INPP4B: variants seen among roughly 807,000 people sequenced by gnomAD.
INPP4B encodes inositol polyphosphate 4-phosphatase type II.
In INPP4B, 55 loss-of-function variants were observed where a neutral mutation model predicts 122.5. That is an observed-to-expected ratio of 0.45 (90% CI 0.36 to 0.56). The LOEUF is 0.56. Ranked by LOEUF, INPP4B falls within the 20% of genes least tolerant of loss-of-function variation. INPP4B has a pLI of 0.00. For missense variants in INPP4B, 1,000 were observed against 1,097.7 expected (o/e 0.91, Z 1.26); for synonymous variants, 403 against 388.7 (o/e 1.04, Z -0.43).
chr4:142,496,879 G>T (rs1487732890), intron 2 of INPP4B: 1 of 151,362 alleles, frequency 6.6e-6, no homozygotes, highest in Non-Finnish European at 1.5e-5. Flanking sequence ...GATTTATGAA[G>T]CAAAGTAGGA....
chr4:142,077,274 C>T (rs75730199), intron 25 of INPP4B, among the ~76,000 whole-genome samples: 8,778 of 151,856 alleles, frequency 0.058, 273 homozygotes, highest in Middle Eastern at 0.095. Context: ...TATTAACTAT[C>T]CTAATTTTAA....
At chr4:142,385,460 G>C (rs911550328) in intron 7 of INPP4B, among the ~76,000 whole-genome samples, 1 of 152,004 alleles carries the variant, frequency 6.6e-6, no homozygotes, top group Non-Finnish European at 1.5e-5. Flanking sequence ...AAACAGGGTA[G>C]AGTATGCTTC....
At chr4:142,403,668 T>A (rs916891689) in intron 6 of INPP4B, among the ~76,000 whole-genome samples, 1 of 152,218 alleles carries the variant, frequency 6.6e-6, no homozygotes, top group Non-Finnish European at 1.5e-5. Context: ...GAATTCATTT[T>A]TAGAGCTGAC....
At chr4:142,389,047 C>G (rs948175139) in intron 7 of INPP4B, among the ~76,000 whole-genome samples, 1 of 152,084 alleles carries the variant, frequency 6.6e-6, no homozygotes, top group African/African-American at 2.4e-5. Context: ...GTCAGGATTT[C>G]GAGACCAGCC....
intron 2 of INPP4B, among the ~76,000 whole-genome samples, chr4:142,568,399 T>C (rs1200435477): frequency 6.6e-6 from 1 of 152,164 alleles, no homozygotes; most frequent in East Asian, 1.9e-4. Flanking sequence ...GGCATGGAAC[T>C]CTTCTTGTTT....
At chr4:142,667,493 G>T (rs1756297686) in intron 2 of INPP4B, among the ~76,000 whole-genome samples, 1 of 152,176 alleles carries the variant, frequency 6.6e-6, no homozygotes, top group South Asian at 2.1e-4. Context: ...AGGTTATGGA[G>T]TCAAACTACT....
At chr4:142,833,928 C>T (rs533064813) in intron 1 of INPP4B, among the ~76,000 whole-genome samples, 2 of 152,250 alleles carry the variant, frequency 1.3e-5, no homozygotes, top group Non-Finnish European at 2.9e-5. Flanking sequence ...CAAATAATTG[C>T]TCAAATAATT....
chr4:142,517,616 C>G (rs1269779231), intron 2 of INPP4B, among the ~76,000 whole-genome samples: 3 of 152,124 alleles, frequency 2.0e-5, no homozygotes, highest in African/African-American at 7.2e-5. Flanking sequence ...AGAAAGTGAG[C>G]TTCTAAACTG....
At chr4:142,116,024 A>C (rs1793144043) in intron 21 of INPP4B, among the ~76,000 whole-genome samples, 2 of 152,184 alleles carry the variant, frequency 1.3e-5, no homozygotes, top group African/African-American at 4.8e-5. Flanking sequence ...AGTCTCTGAT[A>C]AAAGAGACTT....
At chr4:142,584,969 C>T (rs913334577) in intron 2 of INPP4B, among the ~76,000 whole-genome samples, 11 of 152,126 alleles carry the variant, frequency 7.2e-5, no homozygotes, top group South Asian at 6.2e-4. Context: ...CCAATTACTT[C>T]ATTTTGTTGC....
At chr4:142,453,333 T>C (rs1814713404) in intron 3 of INPP4B, among the ~76,000 whole-genome samples, 1 of 152,164 alleles carries the variant, frequency 6.6e-6, no homozygotes, top group South Asian at 2.1e-4. Context: ...ACATTTCTAA[T>C]ACAGACATCA....
intron 2 of INPP4B, among the ~76,000 whole-genome samples, chr4:142,521,143 A>C (rs968726559): frequency 1.1e-4 from 16 of 152,134 alleles, no homozygotes; most frequent in African/African-American, 3.6e-4. Context: ...GAGATGAAAA[A>C]TATAATCAGG....
At chr4:142,578,977 T>G (rs1734433823) in intron 2 of INPP4B, among the ~76,000 whole-genome samples, 1 of 152,022 alleles carries the variant, frequency 6.6e-6, no homozygotes, top group Non-Finnish European at 1.5e-5. Flanking sequence ...AGTGAATATG[T>G]TTTATTGCCT....
At chr4:142,563,101 C>T (rs1308534681) in intron 2 of INPP4B, among the ~76,000 whole-genome samples, 2 of 152,164 alleles carry the variant, frequency 1.3e-5, no homozygotes, top group Non-Finnish European at 2.9e-5. Context: ...GAAAGATGAA[C>T]ACTGCTTTTA....
At chr4:142,781,050 G>A (rs113103506) in intron 1 of INPP4B, among the ~76,000 whole-genome samples, 25 of 152,228 alleles carry the variant, frequency 1.6e-4, no homozygotes, top group African/African-American at 4.6e-4. Context: ...ATAACAATGC[G>A]GTTCTTTAGG....
chr4:142,750,622 C>T (rs1366469791), intron 1 of INPP4B, among the ~76,000 whole-genome samples: 1 of 152,190 alleles, frequency 6.6e-6, no homozygotes, highest in Non-Finnish European at 1.5e-5. Flanking sequence ...GGGTGGGCTT[C>T]AGATCACCTG....
intron 18 of INPP4B, among the ~76,000 whole-genome samples, chr4:142,136,066 G>T (rs1804029066): frequency 6.6e-6 from 1 of 152,134 alleles, no homozygotes; most frequent in Non-Finnish European, 1.5e-5. Context: ...CAAAGTGCTG[G>T]GATTACAGGT....
chr4:142,585,077 A>C (rs994693447), intron 2 of INPP4B, among the ~76,000 whole-genome samples: 5 of 151,970 alleles, frequency 3.3e-5, no homozygotes, highest in Admixed American at 1.3e-4. Context: ...GTGGGGGAGG[A>C]ATGAAGGGAT....
At chr4:142,674,494 G>A (rs1417719141) in intron 2 of INPP4B, among the ~76,000 whole-genome samples, 1 of 152,078 alleles carries the variant, frequency 6.6e-6, no homozygotes, top group Non-Finnish European at 1.5e-5. Context: ...AGAATATTCA[G>A]GACTTGAACT....
Sources: allele counts gnomAD v4.1 joint callset (sites outside exome capture counted in the v4.1 genomes callset), GRCh38; gene constraint gnomAD v4.1.1; transcripts MANE v1.5; gene names NCBI Gene and HGNC (gene_info 2026-07-23, HGNC 2026-07-21).